COX10: variants seen among roughly 807,000 people sequenced by gnomAD.
COX10 encodes the protein cytochrome c oxidase assembly factor heme A:farnesyltransferase COX10, also known as protoheme IX farnesyltransferase, mitochondrial.
In COX10, 27 loss-of-function variants were observed where a neutral mutation model predicts 37.3. The ratio of observed to expected loss-of-function variants is 0.72; its 90% CI spans 0.53 to 1.00. The LOEUF is 1.00. Ranked by LOEUF, COX10 falls within the 50% of genes least tolerant of loss-of-function variation. The pLI is 0.00. For synonymous variants in COX10, 222 were observed against 229.1 expected (o/e 0.97, Z 0.28); for missense variants, 475 against 563.2 (o/e 0.84, Z 1.59).
chr17:14,098,288 C>A (rs1227074829), intron 3 of COX10, among the ~76,000 whole-genome samples: 2 of 152,162 alleles, frequency 1.3e-5, no homozygotes, highest in African/African-American at 4.8e-5. Flanking sequence ...CCTCTGCAGT[C>A]TCCTTTTCCC....
intron 5 of COX10, among the ~76,000 whole-genome samples, chr17:14,165,696 A>T (rs1404258135): frequency 6.6e-6 from 1 of 152,192 alleles, no homozygotes. Context: ...CTTAATGAGG[A>T]AGGTGACATG....
rs144296730 is a variant in COX10 at position 14,206,798 on chromosome 17, A to ACCC, written c.929-9_929-7dup. On this transcript the variant is annotated splice_polypyrimidine_tract_variant and intron_variant, in intron 6 of 6. Transcript: ENST00000261643. ...GCCTTTGTCTCCCTCTCCTTCCCTG[A>ACCC]CCCCCGCACAGGCGCATTTCTCCTG... 0.076 allele frequency: 123,130 copies of ACCC among 1,613,390 alleles called. 5,001 individuals are homozygous for ACCC. The highest frequency in any genetic ancestry group is 0.11 in the South Asian group (10,354 of 91,042).
chr17:14,080,914 A>G (rs1020339851), intron 3 of COX10, among the ~76,000 whole-genome samples: 1 of 152,092 alleles, frequency 6.6e-6, no homozygotes, highest in African/African-American at 2.4e-5. Flanking sequence ...CTGTGGTTAC[A>G]AAAACATTCA....
At position 14,207,006 on chromosome 17, in the gene COX10, C is replaced by T. The variant is rs1165242115; in HGVS notation, c.1125C>T (p.Asp375=). The change falls in exon 7 of 7, where the codon GAC becomes GAT. Residue 375 remains aspartate (D), a synonymous_variant. Transcript: ENST00000261643. ...TGTCCGCAGCAGCCCCTGTGCTGGA[C>T]ATCACCACATGGACCTTCCCCATCA... ...LVLSAAAPVL[D]ITTWTFPIMA... The T allele has an allele frequency of 6.2e-7, 1 of 1,614,094 alleles. No homozygotes were observed. The highest frequency in any genetic ancestry group is 1.1e-5 in the South Asian group (1 of 91,088).
rs758547541 is a variant in COX10, at chr17:14,192,191, T to C, written c.898T>C (p.Trp300Arg). The C allele has an allele frequency of 6.2e-7, 1 of 1,614,260 alleles. No individual in the cohort carries two copies. The highest frequency in any genetic ancestry group is 8.5e-7 in the Non-Finnish European group (1 of 1,180,034). Residue 300 changes from tryptophan (W) to arginine (R), a missense_variant, in exon 6 of 7, where the codon TGG (tryptophan) becomes CGG (arginine). Physicochemically the swap from Trp to Arg is moderately radical, Grantham distance 101. Coordinates refer to ENST00000261643, the MANE Select transcript of COX10 (RefSeq NM_001303.4). ...VVGAIPPVMGWTAATGSLDAG... is the reference protein window; with the variant it reads ...VVGAIPPVMGRTAATGSLDAG... ...TGGGGCCATCCCGCCTGTCATGGGC[T>C]GGACAGCGGCCACGGGCAGCCTCGA...
chr17:14,201,458 G>A (rs1337946562), intron 6 of COX10, among the ~76,000 whole-genome samples: 1 of 152,104 alleles, frequency 6.6e-6, no homozygotes, highest in African/African-American at 2.4e-5. Context: ...ACAGAAAACA[G>A]CATGCTACTC....
chr17:14,080,339 T>C (rs1185503760), intron 3 of COX10, among the ~76,000 whole-genome samples: 1 of 151,136 alleles, frequency 6.6e-6, no homozygotes, highest in Non-Finnish European at 1.5e-5. Context: ...TTCTCCTTCC[T>C]TGTAGCTGGG....
chr17:14,077,376 G>T, intron 3 of COX10: 1 of 308,042 alleles, frequency 3.2e-6, no homozygotes, highest in East Asian at 8.9e-5. Flanking sequence ...AAGATAATAG[G>T]TTTTGTCAAC....
intron 4 of COX10, among the ~76,000 whole-genome samples, chr17:14,125,905 C>A (rs1032355374): frequency 6.6e-6 from 1 of 152,100 alleles, no homozygotes; most frequent in Non-Finnish European, 1.5e-5. Flanking sequence ...CTGTTTGTAC[C>A]ACCGCAGCTA....
intron 4 of COX10, among the ~76,000 whole-genome samples, chr17:14,146,805 C>T (rs1904732651): frequency 6.6e-6 from 1 of 152,078 alleles, no homozygotes; most frequent in Admixed American, 6.6e-5. Flanking sequence ...GAAAAACAAT[C>T]TAATAATCTG....
chr17:14,158,808 C>T (rs575623955), intron 4 of COX10, among the ~76,000 whole-genome samples: 9 of 152,140 alleles, frequency 5.9e-5, no homozygotes, highest in Non-Finnish European at 1.2e-4. Flanking sequence ...GGGAACATAG[C>T]TGGGGAAGTA....
chr17:14,107,411 A>T (rs967290690), intron 4 of COX10, among the ~76,000 whole-genome samples: 4 of 151,800 alleles, frequency 2.6e-5, no homozygotes, highest in African/African-American at 9.7e-5. Context: ...CCTAGTTTGG[A>T]CAAGTAATTG....
At chr17:14,110,362 T>C (rs1287461449) in intron 4 of COX10, among the ~76,000 whole-genome samples, 1 of 152,082 alleles carries the variant, frequency 6.6e-6, no homozygotes, top group Admixed American at 6.6e-5. Flanking sequence ...TCGGTAAGCA[T>C]TGTGGAATTA....
chr17:14,187,688 A>G (rs1906074377), intron 5 of COX10, among the ~76,000 whole-genome samples: 1 of 152,234 alleles, frequency 6.6e-6, no homozygotes, highest in African/African-American at 2.4e-5. Flanking sequence ...ATAACAGGAA[A>G]ATAAATTTCA....
intron 5 of COX10, among the ~76,000 whole-genome samples, chr17:14,176,966 T>C (rs1316658601): frequency 2.0e-5 from 3 of 152,188 alleles, no homozygotes; most frequent in Non-Finnish European, 4.4e-5. Flanking sequence ...TCTATAATTT[T>C]TTTTTTGCAA....
chr17:14,170,840 G>A (rs185445830), intron 5 of COX10, among the ~76,000 whole-genome samples: 2 of 152,020 alleles, frequency 1.3e-5, no homozygotes, highest in East Asian at 3.9e-4. Flanking sequence ...ATTCTAACCT[G>A]TTCATCTCAT....
intron 5 of COX10, among the ~76,000 whole-genome samples, chr17:14,181,097 G>A (rs2856205): frequency 0.15 from 20,381 of 139,238 alleles, 1,620 homozygotes; most frequent in Non-Finnish European, 0.21. Context: ...AGGTGAGAAC[G>A]GAGAGAGAAA....
chr17:14,201,387 C>CTG (rs1299495243), intron 6 of COX10, among the ~76,000 whole-genome samples: 1 of 152,162 alleles, frequency 6.6e-6, no homozygotes, highest in Non-Finnish European at 1.5e-5. Flanking sequence ...TAAGGCTAGG[C>CTG]TGTGATTTCC....
At position 14,076,769 on chromosome 17, in the gene COX10, A is replaced by T. The variant is rs920753708; in HGVS notation, c.212A>T (p.Gln71Leu). 5.0e-6 allele frequency: 8 copies of T among 1,614,090 alleles called. No individual in the cohort carries two copies. The Admixed American group carries it at 6.7e-5, about 13-fold the overall frequency. The change falls in exon 3 of 7, where the codon CAA becomes CTA. Residue 71 changes from glutamine to leucine, a missense_variant. Gln to Leu is a moderately radical substitution (Grantham distance 113). Coordinates refer to ENST00000261643, the MANE Select transcript of COX10 (RefSeq NM_001303.4). Reference sequence around the variant, plus strand: ...CAGCTGAACAGAAGCCACAACCAGCAAGTAAGACCCAAGCCAGAACCAGTA... The same window carrying T: ...CAGCTGAACAGAAGCCACAACCAGCTAGTAAGACCCAAGCCAGAACCAGTA... ...VTQLNRSHNQ[Q>L]VRPKPEPVAS...
Sources: allele counts gnomAD v4.1 joint callset (sites outside exome capture counted in the v4.1 genomes callset), GRCh38; gene constraint gnomAD v4.1.1; transcripts MANE v1.5; gene names NCBI Gene and HGNC (gene_info 2026-07-23, HGNC 2026-07-21).